Variants in FKBP5 observed in about 807,000 individuals in gnomAD.
The protein encoded by FKBP5 is peptidyl-prolyl cis-trans isomerase FKBP5.
FKBP5 carries 23 observed loss-of-function variants against 50.5 expected under a neutral mutation model. The observed-to-expected ratio is 0.46, with a 90% CI of 0.33 to 0.65. The LOEUF (loss-of-function observed/expected upper bound fraction) is 0.65. Ranked by LOEUF, FKBP5 falls within the 30% of genes least tolerant of loss-of-function variation. The pLI, the probability that FKBP5 is intolerant of heterozygous loss-of-function variation, is 0.02. For synonymous variants in FKBP5, 176 were observed against 190.6 expected (o/e 0.92, Z 0.63); for missense variants, 411 against 553.1 (o/e 0.74, Z 2.58).
chr6:35,720,364 C>G (rs1304064898), exon 2 of FKBP5: 8 of 152,470 alleles, frequency 5.2e-5, no homozygotes, highest in African/African-American at 1.4e-4. Flanking sequence ...CAGCCCACAC[C>G]AGGCTCCCTG....
Position 35,591,220 on chromosome 6 carries a change from T to A in FKBP5, c.666A>T (p.Arg222Ser). The change falls in exon 7 of 11, where the codon AGA (arginine) becomes AGT (serine). Residue 222 changes from arginine (R) to serine (S), a missense_variant and splice_region_variant. Around this residue, in one of 3 missense-constraint regions of FKBP5, gnomAD observed 267 missense variants for 405.9 expected, o/e 0.66. Coordinates refer to ENST00000357266, the MANE Select transcript of FKBP5 (RefSeq NM_004117.4). ...EEQCILYLGP[R>S]YGFGEAGKPK... ...GCTTCCCTGCCTCTCCAAAACCATA[T>A]CTGAAATGGAGAGTAAAAAATAAAA... 6.2e-7 allele frequency: 1 copy of A among 1,600,644 alleles called. No individual in the cohort carries two copies. Among genetic ancestry groups the A allele is most frequent in the Non-Finnish European group, 8.6e-7 (1 of 1,169,368 alleles).
At chr6:35,691,118 GACAGTGACAT>G (rs1335595330), upstream of FKBP5, among the ~76,000 whole-genome samples, 8 of 152,152 alleles carry the variant, frequency 5.3e-5, no homozygotes, top group African/African-American at 1.9e-4. Flanking sequence ...TTCATTAGGA[GACAGTGACAT>G]ACACGTAACA....
chr6:35,674,498 C>G (rs1383887321), intron 1 of FKBP5, among the ~76,000 whole-genome samples: 1 of 152,190 alleles, frequency 6.6e-6, no homozygotes, highest in Non-Finnish European at 1.5e-5. Context: ...AGCTATCCCT[C>G]TAACCAATTT....
In FKBP5 at chr6:35,678,298, G is replaced by A. The variant is rs374754077; in HGVS notation, c.-20+10506C>T. On this transcript the variant is annotated intron_variant, in intron 1 of 10. Transcript: ENST00000357266. ...TGCTACAGAGATGGTATTTAAATAC[G>A]TTTCATTTCAAGACATAGACGAATA... 5.3e-5 allele frequency among the ~76,000 whole-genome samples: 8 copies of A among 152,176 alleles called. No individual in the cohort carries two copies. In the East Asian group the frequency reaches 9.7e-4, roughly 18 times the overall value.
intron 1 of FKBP5, among the ~76,000 whole-genome samples, chr6:35,650,502 C>T (rs1441673546): frequency 6.6e-6 from 1 of 151,638 alleles, no homozygotes; most frequent in African/African-American, 2.4e-5. Flanking sequence ...GAGACAGACT[C>T]TTGCTCTGTT....
At chr6:35,631,132 TA>T (rs1451798313) in intron 3 of FKBP5, among the ~76,000 whole-genome samples, 1 of 152,192 alleles carries the variant, frequency 6.6e-6, no homozygotes, top group Non-Finnish European at 1.5e-5. Context: ...CTAGAATGGC[TA>T]AAGTTAAAAA....
chr6:35,603,500 CTAATT>C (rs1277388063), intron 5 of FKBP5, among the ~76,000 whole-genome samples: 1 of 152,092 alleles, frequency 6.6e-6, no homozygotes, highest in East Asian at 1.9e-4. Context: ...GTAATTTTCA[CTAATT>C]TATACAAATT....
intron 8 of FKBP5, chr6:35,584,261 T>G: frequency 1.0e-6 from 1 of 985,464 alleles, no homozygotes; most frequent in African/African-American, 1.7e-5. Flanking sequence ...ATTCAGAGGT[T>G]GAAATGAGGA....
At chr6:35,586,914 A>G (rs1258482206) in intron 8 of FKBP5, 120 bp downstream of exon 8, 1 of 1,539,926 alleles carries the variant, frequency 6.5e-7, no homozygotes, top group Non-Finnish European at 8.8e-7. Context: ...ATTTATAAAA[A>G]TTGCAGCTTA....
At chr6:35,662,277 T>C (rs924002441) in intron 1 of FKBP5, among the ~76,000 whole-genome samples, 5 of 11,408 alleles carry the variant, frequency 4.4e-4, no homozygotes, top group Non-Finnish European at 7.6e-4. Flanking sequence ...TTTACGTGTC[T>C]TTTTTTTTTT....
At chr6:35,624,497 A>AT (rs34356639) in intron 3 of FKBP5, among the ~76,000 whole-genome samples, 63 of 150,976 alleles carry the variant, frequency 4.2e-4, no homozygotes, top group Non-Finnish European at 5.8e-4. Context: ...AAGAAAAAAA[A>AT]TTTTTTTTTT....
rs1420852939 is a variant in FKBP5 at position 35,642,717 on chromosome 6, C to T, written c.105+3G>A. The stretch of plus-strand genomic sequence containing the variant: ...TGTATGTCACTCAGCTTTGTGGCCT[C>T]ACCTTTAATACTCCCCTGTCTTTTT... On this transcript the variant is annotated splice_donor_region_variant and intron_variant, in intron 2 of 10. Transcript: ENST00000357266. 4 of 1,611,004 alleles carry T rather than the reference C, an allele frequency of 2.5e-6. No individual in the cohort carries two copies. In the South Asian group the frequency reaches 3.3e-5, roughly 13 times the overall value.
At chr6:35,613,078 C>A (rs1763538984) in intron 5 of FKBP5, among the ~76,000 whole-genome samples, 1 of 152,212 alleles carries the variant, frequency 6.6e-6, no homozygotes, top group African/African-American at 2.4e-5. Context: ...TCCTCCATAC[C>A]ACTTCATTGT....
At chr6:35,614,482 A>G (rs935250003) in intron 5 of FKBP5, among the ~76,000 whole-genome samples, 1 of 152,146 alleles carries the variant, frequency 6.6e-6, no homozygotes, top group African/African-American at 2.4e-5. Context: ...GTAACAAATG[A>G]ATAATTTGTT....
intron 1 of FKBP5, among the ~76,000 whole-genome samples, chr6:35,725,532 T>C (rs1381876340): frequency 6.6e-6 from 1 of 152,152 alleles, no homozygotes; most frequent in African/African-American, 2.4e-5. Flanking sequence ...TTCACCCTTC[T>C]GGAGTCTAAC....
chr6:35,655,185 T>G (rs918633213), intron 1 of FKBP5, among the ~76,000 whole-genome samples: 2 of 152,080 alleles, frequency 1.3e-5, no homozygotes, highest in African/African-American at 4.8e-5. Context: ...AAAATAATAA[T>G]AATAAATTAA....
At chr6:35,614,644 G>A (rs984160487) in intron 5 of FKBP5, among the ~76,000 whole-genome samples, 24 of 152,180 alleles carry the variant, frequency 1.6e-4, no homozygotes, top group African/African-American at 5.8e-4. Context: ...CAGGGGTCTA[G>A]GTTAGCAATT....
intron 1 of FKBP5, among the ~76,000 whole-genome samples, chr6:35,649,124 G>T (rs182527439): frequency 6.6e-6 from 1 of 151,534 alleles, no homozygotes; most frequent in South Asian, 2.1e-4. Flanking sequence ...GGTGGCGAGC[G>T]CCTGTAGTTC....
chr6:35,591,120 A>T lies in FKBP5; in HGVS notation c.756+10T>A. 1 of 1,584,268 alleles carries T rather than the reference A, an allele frequency of 6.3e-7. No individual in the cohort carries two copies. The highest frequency in any genetic ancestry group is 8.6e-7 in the Non-Finnish European group (1 of 1,159,276). ...CTACCATAATTTTAAGGAAGTTGGT[A>T]TTTTCTCACCTTTTCGAAGCTCTTA... is the stretch of plus-strand genomic sequence containing the variant. On this transcript the variant is annotated intron_variant, in intron 7 of 10. Coordinates refer to ENST00000357266, the MANE Select transcript of FKBP5 (RefSeq NM_004117.4).
Sources: allele counts gnomAD v4.1 joint callset (sites outside exome capture counted in the v4.1 genomes callset), GRCh38; gene constraint gnomAD v4.1.1; regional missense constraint gnomAD v4.1.1; transcripts MANE v1.5; gene names NCBI Gene and HGNC (gene_info 2026-07-23, HGNC 2026-07-21).